Variants in INPP4B observed in about 807,000 individuals in gnomAD.
The protein encoded by INPP4B is inositol polyphosphate-4-phosphatase type II B, also known as inositol polyphosphate 4-phosphatase type II.
In INPP4B, 55 loss-of-function variants were observed where a neutral mutation model predicts 122.5. That is an observed-to-expected ratio of 0.45 (90% CI 0.36 to 0.56). INPP4B has a LOEUF of 0.56. INPP4B is among the 20% of genes least tolerant of loss of function. INPP4B has a pLI of 0.00. For missense variants in INPP4B, 1,000 were observed against 1,097.7 expected, an observed-to-expected ratio of 0.91 and a Z score of 1.26; for synonymous variants, 403 against 388.7, an observed-to-expected ratio of 1.04 and a Z score of -0.43.
At chr4:142,327,218 C>G (rs1358149988) in intron 7 of INPP4B, among the ~76,000 whole-genome samples, 1 of 152,114 alleles carries the variant, frequency 6.6e-6, no homozygotes, top group East Asian at 1.9e-4. Flanking sequence ...AACAAAAGCA[C>G]ACGTCTATTA....
intron 7 of INPP4B, among the ~76,000 whole-genome samples, chr4:142,342,771 G>A (rs1779108866): frequency 6.6e-6 from 1 of 152,084 alleles, no homozygotes. Flanking sequence ...CTTAATAGCA[G>A]TCTGAACTAT....
chr4:142,530,335 T>A (rs1162992714), intron 2 of INPP4B, among the ~76,000 whole-genome samples: 1 of 151,990 alleles, frequency 6.6e-6, no homozygotes, highest in African/African-American at 2.4e-5. Flanking sequence ...AAACATCAAT[T>A]CTTATAACAT....
At chr4:142,459,694 AG>A (rs1243010772) in intron 3 of INPP4B, among the ~76,000 whole-genome samples, 1 of 152,166 alleles carries the variant, frequency 6.6e-6, no homozygotes, top group African/African-American at 2.4e-5. Flanking sequence ...CTCTTACTCT[AG>A]ATGTTAGATA....
chr4:142,403,391 T>G (rs1305807826), intron 6 of INPP4B, among the ~76,000 whole-genome samples: 1 of 152,230 alleles, frequency 6.6e-6, no homozygotes, highest in Non-Finnish European at 1.5e-5. Context: ...GCAAATAATC[T>G]AAGATATTGA....
intron 1 of INPP4B, among the ~76,000 whole-genome samples, chr4:142,784,836 G>A (rs1775500246): frequency 6.6e-6 from 1 of 151,998 alleles, no homozygotes; most frequent in East Asian, 1.9e-4. Context: ...CTTTGCCAGA[G>A]CTTTATCTGA....
chr4:142,398,417 T>A lies in INPP4B; in HGVS notation c.372+4521A>T, dbSNP rs1193410156. On this transcript the variant is annotated intron_variant, in intron 7 of 25. Transcript: ENST00000262992. The stretch of plus-strand genomic sequence containing the variant: ...AAAAAAAAAAATATATATATATATA[T>A]ATATATATATATATATATATATATA... 6.7e-3 allele frequency among the ~76,000 whole-genome samples: 253 copies of A among 37,934 alleles called. 1 individual carries two copies. The highest frequency in any genetic ancestry group is 8.7e-3 in the African/African-American group (150 of 17,174). The allele number at this position is 37,934 out of a possible 152,430, so 24.9% of individuals were successfully genotyped here.
intron 1 of INPP4B, among the ~76,000 whole-genome samples, chr4:142,768,789 A>G (rs1772561577): frequency 6.6e-6 from 1 of 152,212 alleles, no homozygotes; most frequent in African/African-American, 2.4e-5. Context: ...GCTGACTGTC[A>G]GAAAATAAAG....
At chr4:142,390,388 T>A (rs1797282653) in intron 7 of INPP4B, among the ~76,000 whole-genome samples, 2 of 152,158 alleles carry the variant, frequency 1.3e-5, no homozygotes, top group Admixed American at 6.5e-5. Context: ...TTTTCAAAAA[T>A]TTTTGAGTCA....
intron 2 of INPP4B, among the ~76,000 whole-genome samples, chr4:142,486,332 G>C (rs1416696474): frequency 4.6e-5 from 7 of 152,110 alleles, no homozygotes; most frequent in African/African-American, 1.4e-4. Flanking sequence ...TCCATATGTA[G>C]TTGTAACTGT....
rs1313281337 is a variant in INPP4B at position 142,834,625 on chromosome 4, A to G, written c.-254+11584T>C. ...TTTATTATAATTAATGTTTTTGTAG[A>G]CCAATGTGTTGGAAACAGAAAATAC... On this transcript the variant is annotated intron_variant, in intron 1 of 25. Coordinates refer to ENST00000262992, the MANE Select transcript of INPP4B (RefSeq NM_001101669.3). Among the ~76,000 whole-genome samples, 3 of 152,142 alleles carry G rather than the reference A, an allele frequency of 2.0e-5. No individual in the cohort carries two copies. In the East Asian group the frequency reaches 5.8e-4, roughly 29 times the overall value.
chr4:142,152,066 C>CTTTTTTTTTTTTTCTTTTTTTTTTTTTT (rs1814249974), intron 17 of INPP4B, among the ~76,000 whole-genome samples: 1 of 69,920 alleles, frequency 1.4e-5, no homozygotes, highest in African/African-American at 5.6e-5. Context: ...TTTGTCTTTT[C>CTTTTTTTTTTTTTCTTTTTTTTTTTTTT]TTTTTTTTTT....
At position 142,104,940 on chromosome 4, in the gene INPP4B, G is replaced by A. The variant is rs72946952; in HGVS notation, c.2374+3153C>T. Among the ~76,000 whole-genome samples the A allele has an allele frequency of 7.2e-3, 1,085 of 151,546 alleles. 15 individuals are homozygous for A. The highest frequency in any genetic ancestry group is 0.025 in the African/African-American group (1,032 of 41,256). On this transcript the variant is annotated intron_variant, in intron 23 of 25. Coordinates refer to ENST00000262992, the MANE Select transcript of INPP4B (RefSeq NM_001101669.3). ...TTTTTTTCAAATATTTCTTATCTGG[G>A]GTTGATTGAATCTGCCAACACAGAA... is the stretch of plus-strand genomic sequence containing the variant.
chr4:142,625,587 C>T (rs1466714547), intron 2 of INPP4B, among the ~76,000 whole-genome samples: 2 of 152,010 alleles, frequency 1.3e-5, no homozygotes, highest in Non-Finnish European at 2.9e-5. Flanking sequence ...AATGCCATCC[C>T]CATCAAGCTA....
chr4:142,242,323 CAG>C (rs1468538006), intron 11 of INPP4B, among the ~76,000 whole-genome samples: 1 of 152,076 alleles, frequency 6.6e-6, no homozygotes, highest in Non-Finnish European at 1.5e-5. Flanking sequence ...ATACAGCAAA[CAG>C]ATACCCTGAA....
chr4:142,840,920 T>G (rs1437939183), intron 1 of INPP4B, among the ~76,000 whole-genome samples: 2 of 152,060 alleles, frequency 1.3e-5, no homozygotes, highest in Non-Finnish European at 2.9e-5. Context: ...AAATTAAAAT[T>G]TAAAAGATCT....
chr4:142,735,975 C>T (rs1280684091), intron 1 of INPP4B, among the ~76,000 whole-genome samples: 1 of 147,600 alleles, frequency 6.8e-6, no homozygotes, highest in Admixed American at 6.7e-5. Context: ...ACATCCACCA[C>T]TATTCTCTGA....
intron 11 of INPP4B, among the ~76,000 whole-genome samples, chr4:142,248,652 ATGTG>A (rs879745545): frequency 8.0e-4 from 102 of 127,900 alleles, no homozygotes; most frequent in Non-Finnish European, 4.0e-4. Flanking sequence ...GTGTGTGTGT[ATGTG>A]TGTGTGTGTG....
intron 9 of INPP4B, among the ~76,000 whole-genome samples, chr4:142,280,673 T>C (rs775904576): frequency 1.3e-5 from 2 of 151,928 alleles, no homozygotes; most frequent in Non-Finnish European, 2.9e-5. Flanking sequence ...TGTTAATGTA[T>C]AAAATGGGAT....
chr4:142,030,523 C>G (rs921569985), intron 25 of INPP4B, among the ~76,000 whole-genome samples: 1 of 152,090 alleles, frequency 6.6e-6, no homozygotes, highest in African/African-American at 2.4e-5. Flanking sequence ...TCCTTTAGCT[C>G]TTTGTGCAAG....
Sources: gnomAD v4.1 joint callset for allele counts (sites outside exome capture counted in the v4.1 genomes callset) on GRCh38, gnomAD v4.1.1 for gene constraint, MANE v1.5 for transcripts, NCBI Gene and HGNC (gene_info 2026-07-23, HGNC 2026-07-21) for gene names.